Variants in SLC24A4 observed in about 807,000 individuals in gnomAD.
SLC24A4 encodes solute carrier family 24 member 4, also known as sodium/potassium/calcium exchanger 4.
SLC24A4 carries 53 observed loss-of-function variants against 79.0 expected under a neutral mutation model. The ratio of observed to expected loss-of-function variants is 0.67; its 90% CI spans 0.54 to 0.84. The LOEUF (loss-of-function observed/expected upper bound fraction) is 0.84. Among genes scored for constraint, SLC24A4 ranks in the 40% least tolerant of loss-of-function variants. The pLI, the probability that SLC24A4 is intolerant of heterozygous loss-of-function variation, is 0.00. For synonymous variants in SLC24A4, 323 were observed against 323.8 expected (o/e 1.00, Z 0.03); for missense variants, 731 against 822.0 (o/e 0.89, Z 1.35).
At chr14:92,392,955 G>A (rs1889561670) in intron 2 of SLC24A4, among the ~76,000 whole-genome samples, 1 of 151,942 alleles carries the variant, frequency 6.6e-6, no homozygotes, top group Admixed American at 6.5e-5. Flanking sequence ...CACATGGGAG[G>A]CACCATCTAT....
Position 92,323,265 on chromosome 14 carries a change from G to A in SLC24A4, c.-566G>A, listed in dbSNP as rs1387687120. On this transcript the variant is annotated 5_prime_UTR_variant, in exon 1 of 17. Coordinates refer to ENST00000532405, the MANE Select transcript of SLC24A4 (RefSeq NM_153646.4). This position sits in a 1 kb window ranked among gnomAD's most constrained non-coding sequence, Gnocchi z 4.9. Reference sequence around the variant, plus strand: ...GAGCCTGCTCGCCGCGAGGGTCTCAGGTACCGCGCGTCCAGCCAGCCTTCC... The same window carrying A: ...GAGCCTGCTCGCCGCGAGGGTCTCAAGTACCGCGCGTCCAGCCAGCCTTCC... 6.6e-6 allele frequency: 1 copy of A among 152,158 alleles called. No homozygotes were observed. Among genetic ancestry groups the A allele is most frequent in the Non-Finnish European group, 1.5e-5 (1 of 68,012 alleles). The allele number at this position is 152,158 out of a possible 1,614,324, so 9.4% of individuals were successfully genotyped here.
intron 2 of SLC24A4, among the ~76,000 whole-genome samples, chr14:92,342,915 A>C (rs1221818902): frequency 6.6e-6 from 1 of 152,214 alleles, no homozygotes; most frequent in East Asian, 1.9e-4. Flanking sequence ...GCCATGAACA[A>C]GGGTGTTTTC....
At chr14:92,394,942 C>T (rs1889682577) in intron 2 of SLC24A4, among the ~76,000 whole-genome samples, 3 of 152,114 alleles carry the variant, frequency 2.0e-5, no homozygotes, top group Admixed American at 2.0e-4. Context: ...CCAAAGGACA[C>T]CAGTTAAGGA....
In SLC24A4 at chr14:92,360,005, G is replaced by A. The variant is rs573946710; in HGVS notation, c.241+34027G>A. On this transcript the variant is annotated intron_variant, in intron 2 of 16. Transcript: ENST00000532405. The stretch of plus-strand genomic sequence containing the variant: ...GCGATCTTGGCTCACTGCAACCTCC[G>A]CCTCCCAGGTTCAAGCAATTCTCCT... 1.3e-3 allele frequency among the ~76,000 whole-genome samples: 192 copies of A among 152,250 alleles called. 1 individual carries two copies. Among genetic ancestry groups the A allele is most frequent in the Admixed American group, 0.012 (189 of 15,298 alleles).
At chr14:92,483,283 T>C (rs543916406) in intron 13 of SLC24A4, among the ~76,000 whole-genome samples, 1 of 152,174 alleles carries the variant, frequency 6.6e-6, no homozygotes, top group Non-Finnish European at 1.5e-5. Flanking sequence ...CCCCCACTGA[T>C]GTGCTGGTGC....
intron 2 of SLC24A4, among the ~76,000 whole-genome samples, chr14:92,360,448 T>G (rs1887443581): frequency 6.6e-6 from 1 of 152,234 alleles, no homozygotes; most frequent in African/African-American, 2.4e-5. Context: ...CAGTTTTCAT[T>G]GTAGCTATAG....
At chr14:92,427,011 A>G (rs759874741) in intron 2 of SLC24A4, among the ~76,000 whole-genome samples, 7 of 152,234 alleles carry the variant, frequency 4.6e-5, no homozygotes, top group Admixed American at 2.0e-4. Flanking sequence ...AAAAAATTCA[A>G]TTCACAGTTT....
intron 2 of SLC24A4, among the ~76,000 whole-genome samples, chr14:92,392,006 TC>T (rs1408679970): frequency 6.6e-6 from 1 of 151,912 alleles, no homozygotes; most frequent in Non-Finnish European, 1.5e-5. Context: ...CCCCACCACT[TC>T]CCTTGGAGCC....
chr14:92,376,548 A>G (rs1411084426), intron 2 of SLC24A4, among the ~76,000 whole-genome samples: 1 of 152,240 alleles, frequency 6.6e-6, no homozygotes, highest in Non-Finnish European at 1.5e-5. Flanking sequence ...GGGGCTGGCC[A>G]GGGCCCCTGA....
At chr14:92,325,087 C>A (rs34161728) in intron 1 of SLC24A4, among the ~76,000 whole-genome samples, 9,818 of 152,140 alleles carry the variant, frequency 0.065, 396 homozygotes, top group Middle Eastern at 0.13. Flanking sequence ...TTTTTTTCCC[C>A]CCTCAATTAC....
At chr14:92,368,274 T>C (rs1322375741) in intron 2 of SLC24A4, among the ~76,000 whole-genome samples, 1 of 152,000 alleles carries the variant, frequency 6.6e-6, no homozygotes, top group African/African-American at 2.4e-5. Flanking sequence ...CAGGAAAAAA[T>C]CATCACAGCT....
At chr14:92,349,003 C>A (rs1232295636) in intron 2 of SLC24A4, among the ~76,000 whole-genome samples, 1 of 151,936 alleles carries the variant, frequency 6.6e-6, no homozygotes, top group African/African-American at 2.4e-5. Flanking sequence ...CCAAGTCACG[C>A]TGCAGGCTCT....
At chr14:92,335,222 A>G (rs1250143258) in intron 2 of SLC24A4, among the ~76,000 whole-genome samples, 1 of 152,126 alleles carries the variant, frequency 6.6e-6, no homozygotes, top group Non-Finnish European at 1.5e-5. Flanking sequence ...TATTATTGAT[A>G]CTTTGTATTA....
intron 3 of SLC24A4, among the ~76,000 whole-genome samples, chr14:92,436,407 G>A (rs1225812740): frequency 1.3e-5 from 2 of 151,826 alleles, no homozygotes; most frequent in African/African-American, 4.8e-5. Context: ...GGCCAGCAAA[G>A]CCTAAAATAT....
rs1183061067 is a variant in SLC24A4, at chr14:92,398,138, G to T, written c.242-35774G>T. Among the ~76,000 whole-genome samples the T allele has an allele frequency of 6.6e-6, 1 of 152,220 alleles. No homozygotes were observed. Among genetic ancestry groups the T allele is most frequent in the Non-Finnish European group, 1.5e-5 (1 of 68,040 alleles). ...CCTTTAGGTCCACACACCAAAAGAG[G>T]CTTTGTTTTCATTTTTAAGATATGC... On this transcript the variant is annotated intron_variant, in intron 2 of 16. Coordinates refer to ENST00000532405, the MANE Select transcript of SLC24A4 (RefSeq NM_153646.4). The surrounding 1 kb of genome is among the most constrained non-coding windows in gnomAD (Gnocchi z 4.1).
chr14:92,439,324 C>G lies in SLC24A4; in HGVS notation c.319-11C>G. The G allele has an allele frequency of 6.2e-7, 1 of 1,611,776 alleles. No homozygotes were observed. The highest frequency in any genetic ancestry group is 8.5e-7 in the Non-Finnish European group (1 of 1,178,072). On this transcript the variant is annotated splice_polypyrimidine_tract_variant and intron_variant, in intron 3 of 16. Transcript: ENST00000532405. ...CTCACCGACCCTGCCTGTCTCCTCT[C>G]TCCTTTGCAGGCTCTGTATATGTTC...
chr14:92,383,924 G>A (rs373591394), intron 2 of SLC24A4, among the ~76,000 whole-genome samples: 2 of 152,198 alleles, frequency 1.3e-5, no homozygotes, highest in Non-Finnish European at 2.9e-5. Flanking sequence ...GACCACACTC[G>A]CCGTGGCGGG....
At chr14:92,432,920 C>T (rs1223155061) in intron 2 of SLC24A4, among the ~76,000 whole-genome samples, 1 of 152,168 alleles carries the variant, frequency 6.6e-6, no homozygotes, top group Non-Finnish European at 1.5e-5. Context: ...AGGTGTCATT[C>T]CCTGTGTTTA....
chr14:92,483,807 A>G (rs1257547395), intron 13 of SLC24A4: 3 of 1,289,870 alleles, frequency 2.3e-6, no homozygotes, highest in Non-Finnish European at 3.0e-6. Flanking sequence ...CTTACACCCT[A>G]GTGGTTAACA....
Sources: gnomAD v4.1 joint callset for allele counts (sites outside exome capture counted in the v4.1 genomes callset) on GRCh38, gnomAD v4.1.1 for gene constraint, Gnocchi (gnomAD v3.1) non-coding constraint, MANE v1.5 for transcripts, NCBI Gene and HGNC (gene_info 2026-07-23, HGNC 2026-07-21) for gene names.